PRSS8: variants seen among roughly 807,000 people sequenced by gnomAD.
The protein encoded by PRSS8 is serine protease 8.
Under a neutral mutation model 26.7 loss-of-function variants are expected in PRSS8, and 11 were observed. The ratio of observed to expected loss-of-function variants is 0.41; its 90% CI spans 0.26 to 0.68. The LOEUF is 0.68. PRSS8 is among the 30% of genes least tolerant of loss of function. The pLI is 0.30. For missense variants in PRSS8, 362 were observed against 443.5 expected (o/e 0.82, Z 1.65); for synonymous variants, 183 against 187.0 (o/e 0.98, Z 0.17).
chr16:31,135,573 G>A lies in PRSS8; in HGVS notation c.-75C>T. The A allele has an allele frequency of 8.1e-7, 1 of 1,237,922 alleles. No homozygotes were observed. Among genetic ancestry groups the A allele is most frequent in the Middle Eastern group, 2.1e-4 (1 of 4,802 alleles). The allele number at this position is 1,237,922 out of a possible 1,614,324, so 76.7% of individuals were successfully genotyped here. The stretch of plus-strand genomic sequence containing the variant: ...AGCCTTGGGGTGGTGTCGAAGGCAG[G>A]ACCCAGATGTTGGCTCAGAGGGAAG... On this transcript the variant is annotated 5_prime_UTR_variant, in exon 1 of 6. Transcript: ENST00000317508.
At position 31,132,964 on chromosome 16, in the gene PRSS8, G is replaced by T. The variant is rs867462170; in HGVS notation, c.267-11C>A. 1.2e-6 allele frequency: 2 copies of T among 1,600,090 alleles called. No individual in the cohort carries two copies. Among genetic ancestry groups the T allele is most frequent in the Admixed American group, 3.4e-5 (2 of 59,408 alleles). ...TCCTTGTGGTGCTCGCTGCAGGCAG[G>T]GGGCAAAGGCTGAGACCCAGGAGAC... On this transcript the variant is annotated splice_polypyrimidine_tract_variant and intron_variant, in intron 3 of 5. Transcript: ENST00000317508. This position sits in a 1 kb window ranked among gnomAD's most constrained non-coding sequence, Gnocchi z 5.2.
chr16:31,132,283 G>A lies in PRSS8; in HGVS notation c.758C>T (p.Thr253Met), dbSNP rs369157976. 23 of 1,613,606 alleles carry A rather than the reference G, an allele frequency of 1.4e-5. No homozygotes were observed. The highest frequency in any genetic ancestry group is 3.3e-5 in the Admixed American group (2 of 59,950). Residue 253 changes from threonine to methionine, a missense_variant, in exon 6 of 6, where the codon ACG becomes ATG. Transcript: ENST00000317508. The surrounding 1 kb of genome is among the most constrained non-coding windows in gnomAD (Gnocchi z 5.2). ...GGCATCTCCCCAGCTCACAATGCCC[G>A]TCAGGTACCAGAGACCCTCCACAGG... ...SCPVEGLWYL[T>M]GIVSWGDACG...
rs1054514175 is a variant in PRSS8, at chr16:31,135,697, G to A, written c.-199C>T. On this transcript the variant is annotated 5_prime_UTR_variant, in exon 1 of 6. Coordinates refer to ENST00000317508, the MANE Select transcript of PRSS8 (RefSeq NM_002773.5). Reference sequence around the variant, plus strand: ...GGGAGACGCCTGGAGTATCCGAAGCGAGCAGTGTGGACGAGTCACCAGCAC... The same window carrying A: ...GGGAGACGCCTGGAGTATCCGAAGCAAGCAGTGTGGACGAGTCACCAGCAC... 3 of 575,498 alleles carry A rather than the reference G, an allele frequency of 5.2e-6. No homozygotes were observed. Among genetic ancestry groups the A allele is most frequent in the Middle Eastern group, 4.6e-4 (1 of 2,152 alleles). The allele number at this position is 575,498 out of a possible 1,614,324, so 35.6% of individuals were successfully genotyped here. A position where few individuals can be genotyped will look rare whatever the true frequency, so the allele number is the denominator to read the frequency against.
Position 31,135,421 on chromosome 16 carries a change from C to G in PRSS8, c.78G>C (p.Ser26=), listed in dbSNP as rs11558743. Residue 26 remains serine (S), a synonymous_variant, in exon 1 of 6, where the codon TCG becomes TCC. Transcript: ENST00000317508. ...AILLYLGLLR[S]GTGAEGAEAP... ...CCCCACGTCCTCACTTACCTGTCCCCGACCGGAGTAATCCAAGATAGAGCA... is the reference window on the plus strand; with the variant it reads ...CCCCACGTCCTCACTTACCTGTCCCGGACCGGAGTAATCCAAGATAGAGCA... 1 of 1,593,778 alleles carries G rather than the reference C, an allele frequency of 6.3e-7. No individual in the cohort carries two copies. Among genetic ancestry groups the G allele is most frequent in the African/African-American group, 1.3e-5 (1 of 74,306 alleles).
Position 31,135,238 on chromosome 16 carries a change from A to G in PRSS8, c.86-67T>C, listed in dbSNP as rs760259264. 31 of 1,607,924 alleles carry G rather than the reference A, an allele frequency of 1.9e-5. No homozygotes were observed. In the Admixed American group the frequency reaches 2.7e-4, roughly 14 times the overall value. On this transcript the variant is annotated intron_variant, in intron 1 of 5. Transcript: ENST00000317508. ...CGGGTTCCCTGACCCCTTAGTACCC[A>G]CCACTGCTCCAGAGGGCTGGCCCCT...
chr16:31,134,999 C>A, intron 2 of PRSS8, 155 bp downstream of exon 2: 4 of 895,500 alleles, frequency 4.5e-6, no homozygotes, highest in Non-Finnish European at 6.8e-6. Flanking sequence ...GCTTCTCTGC[C>A]CATAAGGTGA....
chr16:31,133,006 A>T lies in PRSS8; in HGVS notation c.267-53T>A. ...CCAGGAGACCTCTCCTTGTTCCCCA[A>T]CCCCCACTGCCAACCCCTGATTCCG... On this transcript the variant is annotated intron_variant, in intron 3 of 5. Coordinates refer to ENST00000317508, the MANE Select transcript of PRSS8 (RefSeq NM_002773.5). The surrounding 1 kb of genome is among the most constrained non-coding windows in gnomAD (Gnocchi z 4.7). 1 of 1,582,606 alleles carries T rather than the reference A, an allele frequency of 6.3e-7. No individual in the cohort carries two copies. The highest frequency in any genetic ancestry group is 1.2e-5 in the South Asian group (1 of 86,818).
chr16:31,133,410 G>A lies in PRSS8; in HGVS notation c.104-22C>T. 1 of 1,612,528 alleles carries A rather than the reference G, an allele frequency of 6.2e-7. No homozygotes were observed. The highest frequency in any genetic ancestry group is 8.5e-7 in the Non-Finnish European group (1 of 1,179,692). ...GGAGCTGCCCAGGGAGGAAGGGAAG[G>A]GGTCAGGTTGTTAGCCTGGCCACTC... On this transcript the variant is annotated intron_variant, in intron 2 of 5. Transcript: ENST00000317508. This position sits in a 1 kb window ranked among gnomAD's most constrained non-coding sequence, Gnocchi z 4.7.
chr16:31,135,057 G>T, intron 2 of PRSS8, 97 bp downstream of exon 2: 1 of 1,440,032 alleles, frequency 6.9e-7, no homozygotes, highest in South Asian at 1.3e-5. Context: ...CTAGTTGGAA[G>T]GCAGCCCAGC....
chr16:31,132,806 G>C lies in PRSS8; in HGVS notation c.414C>G (p.Leu138=). The C allele has an allele frequency of 6.2e-7, 1 of 1,613,984 alleles. No homozygotes were observed. Among genetic ancestry groups the C allele is most frequent in the Non-Finnish European group, 8.5e-7 (1 of 1,179,878 alleles). ...AGAAGGTGATGGGTCTGCTGAGTTG[G>C]AGGAGTGCAATGTCGCCCTGGGAGC... ...QEGSQGDIAL[L]QLSRPITFSR... Residue 138 remains leucine, a synonymous_variant, in exon 4 of 6, where the codon CTC becomes CTG. Coordinates refer to ENST00000317508, the MANE Select transcript of PRSS8 (RefSeq NM_002773.5). This position sits in a 1 kb window ranked among gnomAD's most constrained non-coding sequence, Gnocchi z 5.2.
At position 31,131,800 on chromosome 16, in the gene PRSS8, C is replaced by G. The variant is rs188294450; in HGVS notation, c.*209G>C. ...GAGGGGCCAGAGGCTCTGGCCATTGCTACAGGCAGTAAAACTCCTGACTCT... is the reference window on the plus strand; with the variant it reads ...GAGGGGCCAGAGGCTCTGGCCATTGGTACAGGCAGTAAAACTCCTGACTCT... On this transcript the variant is annotated 3_prime_UTR_variant, in exon 6 of 6. Transcript: ENST00000317508. 6.8e-5 allele frequency: 40 copies of G among 589,140 alleles called. No individual in the cohort carries two copies. Among genetic ancestry groups the G allele is most frequent in the Middle Eastern group, 9.2e-4 (2 of 2,166 alleles). 36.5% of individuals were successfully genotyped at this position (589,140 alleles called of 1,614,324 possible). A position where few individuals can be genotyped will look rare whatever the true frequency, so the allele number is the denominator to read the frequency against.
rs2057585775 is a variant in PRSS8, at chr16:31,132,484, A to G, written c.650T>C (p.Val217Ala). The G allele has an allele frequency of 1.2e-6, 2 of 1,613,902 alleles. No individual in the cohort carries two copies. Among genetic ancestry groups the G allele is most frequent in the South Asian group, 1.1e-5 (1 of 91,086 alleles). The change falls in exon 5 of 6, where the codon GTC (valine) becomes GCC (alanine). Residue 217 changes from valine (V) to alanine (A), a missense_variant. By Grantham distance (64) the Val-to-Ala change is moderately conservative. Transcript: ENST00000317508. This position sits in a 1 kb window ranked among gnomAD's most constrained non-coding sequence, Gnocchi z 5.2. ...GCCAGCACACACCATGTCCTCTTGG[A>G]CAAAGTGCGGCTCCTCAGGCTTGGC... ...IDAKPEEPHF[V>A]QEDMVCAGYV...
chr16:31,131,871 T>C lies in PRSS8; in HGVS notation c.*138A>G. 1 of 994,364 alleles carries C rather than the reference T, an allele frequency of 1.0e-6. No individual in the cohort carries two copies. Among genetic ancestry groups the C allele is most frequent in the Non-Finnish European group, 1.4e-6 (1 of 700,964 alleles). 61.6% of individuals were successfully genotyped at this position (994,364 alleles called of 1,614,324 possible). A position where few individuals can be genotyped will look rare whatever the true frequency, so the allele number is the denominator to read the frequency against. On this transcript the variant is annotated 3_prime_UTR_variant, in exon 6 of 6. Coordinates refer to ENST00000317508, the MANE Select transcript of PRSS8 (RefSeq NM_002773.5). ...ACACCCAGAAGAATGGGCTCAAAGATCAAGATGGGGCCCCAGCCTCCCGCA... is the reference window on the plus strand; with the variant it reads ...ACACCCAGAAGAATGGGCTCAAAGACCAAGATGGGGCCCCAGCCTCCCGCA...
Position 31,131,947 on chromosome 16 carries a change from T to A in PRSS8, c.*62A>T. ...AGTCAGGCCCTGGGTCCAAAGGCCA[T>A]CAGGGAAGGACCAGGCTCCTGTCCT... is the stretch of plus-strand genomic sequence containing the variant. On this transcript the variant is annotated 3_prime_UTR_variant, in exon 6 of 6. Transcript: ENST00000317508. 3 of 1,455,690 alleles carry A rather than the reference T, an allele frequency of 2.1e-6. No homozygotes were observed. The highest frequency in any genetic ancestry group is 2.7e-6 in the Non-Finnish European group (3 of 1,094,538). 90.2% of individuals were successfully genotyped at this position (1,455,690 alleles called of 1,614,324 possible).
At chr16:31,135,020 C>T in intron 2 of PRSS8, 134 bp downstream of exon 2, 2 of 1,137,724 alleles carry the variant, frequency 1.8e-6, no homozygotes, top group Non-Finnish European at 2.5e-6. Flanking sequence ...GGGCTAAAAC[C>T]CCCCACTCTG....
At position 31,132,559 on chromosome 16, in the gene PRSS8, T is replaced by G; in HGVS notation, c.575A>C (p.Glu192Ala). Residue 192 changes from glutamate to alanine, a missense_variant, in exon 5 of 6, where the codon GAG becomes GCG. Coordinates refer to ENST00000317508, the MANE Select transcript of PRSS8 (RefSeq NM_002773.5). The surrounding 1 kb of genome is among the most constrained non-coding windows in gnomAD (Gnocchi z 5.2). The part of the protein sequence containing the change: ...LLTPKPLQQL[E>A]VPLISRETCN... ...CGTCTCACGACTGATCAGAGGCACC[T>G]CGAGTTGCTGCAGTGGCTTGGGCGT... is the stretch of plus-strand genomic sequence containing the variant. The G allele has an allele frequency of 6.2e-7, 1 of 1,614,018 alleles. No individual in the cohort carries two copies. Among genetic ancestry groups the G allele is most frequent in the Non-Finnish European group, 8.5e-7 (1 of 1,179,880 alleles).
rs529813356 is a variant in PRSS8 at position 31,135,536 on chromosome 16, C to A, written c.-38G>T. 31 of 1,485,340 alleles carry A rather than the reference C, an allele frequency of 2.1e-5. No homozygotes were observed. Among genetic ancestry groups the A allele is most frequent in the Non-Finnish European group, 2.8e-5 (31 of 1,112,540 alleles). The allele number at this position is 1,485,340 out of a possible 1,614,324, so 92.0% of individuals were successfully genotyped here. A position where few individuals can be genotyped will look rare whatever the true frequency, so the allele number is the denominator to read the frequency against. ...GGGCCCCTGGGGCAGACTCCAGGCA[C>A]GCAAGGTAGGAAGCCTTGGGGTGGT... On this transcript the variant is annotated 5_prime_UTR_variant, in exon 1 of 6. Transcript: ENST00000317508.
Position 31,135,696 on chromosome 16 carries a change from C to G in PRSS8, c.-198G>C, listed in dbSNP as rs926279818. On this transcript the variant is annotated 5_prime_UTR_variant, in exon 1 of 6. Transcript: ENST00000317508. ...CGGGAGACGCCTGGAGTATCCGAAG[C>G]GAGCAGTGTGGACGAGTCACCAGCA... is the stretch of plus-strand genomic sequence containing the variant. 4.2e-5 allele frequency: 24 copies of G among 576,178 alleles called. No homozygotes were observed. In the Admixed American group the frequency reaches 4.7e-4, roughly 11 times the overall value. 35.7% of individuals were successfully genotyped at this position (576,178 alleles called of 1,614,324 possible).
rs2057588292 is a variant in PRSS8 at position 31,132,877 on chromosome 16, T to C, written c.343A>G (p.Ser115Gly). ...TGGGGGATGATGTCCTTCAGGGTGCTGACCTTGGCGTCCTCGGAGTAGGAG... is the reference window on the plus strand; with the variant it reads ...TGGGGGATGATGTCCTTCAGGGTGCCGACCTTGGCGTCCTCGGAGTAGGAG... Reference protein sequence around the residue: ...LDSYSEDAKVSTLKDIIPHPS... With the variant: ...LDSYSEDAKVGTLKDIIPHPS... Residue 115 changes from serine (S) to glycine (G), a missense_variant, in exon 4 of 6, where the codon AGC becomes GGC. Transcript: ENST00000317508. The surrounding 1 kb of genome is among the most constrained non-coding windows in gnomAD (Gnocchi z 5.2). 6.8e-6 allele frequency: 11 copies of C among 1,613,792 alleles called. No individual in the cohort carries two copies. The highest frequency in any genetic ancestry group is 1.3e-5 in the African/African-American group (1 of 75,000).
Sources: allele counts gnomAD v4.1 joint callset, GRCh38; gene constraint gnomAD v4.1.1; non-coding constraint Gnocchi (gnomAD v3.1); transcripts MANE v1.5; gene names NCBI Gene and HGNC (gene_info 2026-07-23, HGNC 2026-07-21).